The following ATRNL1 variants were observed in gnomAD, a reference collection of about 807,000 sequenced individuals.
ATRNL1 encodes the protein attractin-like protein 1.
ATRNL1 carries 95 observed loss-of-function variants against 182.7 expected under a neutral mutation model. The ratio of observed to expected loss-of-function variants is 0.52; its 90% confidence interval spans 0.44 to 0.62. ATRNL1 has a LOEUF of 0.62. ATRNL1 is among the 20% of genes least tolerant of loss of function. The probability of loss-of-function intolerance (pLI) is 0.00; values close to 1 mark genes in which losing one functional copy is unlikely to be tolerated. For missense variants in ATRNL1, 1,471 were observed against 1,679.5 expected, an observed-to-expected ratio of 0.88 and a Z score of 2.17; for synonymous variants, 576 against 568.3, an observed-to-expected ratio of 1.01 and a Z score of -0.19.
chr10:115,671,134 A>C (rs1340291394), intron 26 of ATRNL1, among the ~76,000 whole-genome samples: 1 of 152,118 alleles, frequency 6.6e-6, no homozygotes, highest in Non-Finnish European at 1.5e-5. Context: ...CACAGGCTGC[A>C]TTTGGCAGAA....
intron 21 of ATRNL1, among the ~76,000 whole-genome samples, chr10:115,458,919 C>T (rs1012731144): frequency 6.6e-6 from 1 of 152,068 alleles, no homozygotes; most frequent in South Asian, 2.1e-4. Flanking sequence ...TCAGGGACCC[C>T]AAATGGAGGG....
chr10:115,518,912 A>G (rs1244356361), intron 24 of ATRNL1, among the ~76,000 whole-genome samples: 1 of 151,976 alleles, frequency 6.6e-6, no homozygotes, highest in Non-Finnish European at 1.5e-5. Context: ...ATGAAGTTAT[A>G]TAGGGAGAAA....
intron 26 of ATRNL1, among the ~76,000 whole-genome samples, chr10:115,617,904 T>C (rs1555021358): frequency 6.6e-6 from 1 of 152,190 alleles, no homozygotes; most frequent in Non-Finnish European, 1.5e-5. Context: ...CCTAATGTTA[T>C]AGGTGGGGTC....
intron 27 of ATRNL1, among the ~76,000 whole-genome samples, chr10:115,829,638 C>G (rs1160959657): frequency 2.0e-5 from 3 of 152,052 alleles, no homozygotes; most frequent in Non-Finnish European, 4.4e-5. Context: ...AAAAGATATA[C>G]CCTTTTCCAA....
intron 27 of ATRNL1, among the ~76,000 whole-genome samples, chr10:115,730,209 A>G (rs1555062242): frequency 7.3e-6 from 1 of 136,604 alleles, no homozygotes; most frequent in African/African-American, 2.7e-5. Flanking sequence ...GTGAGCCAAG[A>G]TTGCACCACT....
chr10:115,831,026 C>A (rs1239488360), intron 27 of ATRNL1, among the ~76,000 whole-genome samples: 1 of 152,124 alleles, frequency 6.6e-6, no homozygotes, highest in African/African-American at 2.4e-5. Flanking sequence ...TGCTCCCTTT[C>A]CTGTCCCACA....
At chr10:115,218,411 T>G (rs1849313253) in intron 9 of ATRNL1, among the ~76,000 whole-genome samples, 1 of 152,162 alleles carries the variant, frequency 6.6e-6, no homozygotes. Flanking sequence ...AAACATACTT[T>G]TAAGGCTACT....
intron 26 of ATRNL1, among the ~76,000 whole-genome samples, chr10:115,563,255 G>A (rs1565168928): frequency 6.6e-6 from 1 of 152,218 alleles, no homozygotes; most frequent in East Asian, 1.9e-4. Context: ...CCTGAATTTT[G>A]TTGACAGGAT....
intron 27 of ATRNL1, among the ~76,000 whole-genome samples, chr10:115,761,399 T>G (rs1226108248): frequency 2.6e-5 from 4 of 152,192 alleles, no homozygotes; most frequent in African/African-American, 9.6e-5. Flanking sequence ...TCCAGTGCTC[T>G]AAGACCTCAT....
At chr10:115,366,360 C>A (rs1554945916) in intron 19 of ATRNL1, among the ~76,000 whole-genome samples, 2 of 151,034 alleles carry the variant, frequency 1.3e-5, no homozygotes, top group Admixed American at 1.3e-4. Flanking sequence ...TTTTTGTTTT[C>A]CATTTGCTTG....
intron 5 of ATRNL1, among the ~76,000 whole-genome samples, chr10:115,152,363 C>G (rs1846279450): frequency 6.6e-6 from 1 of 152,288 alleles, no homozygotes; most frequent in South Asian, 2.1e-4. Context: ...AATGTTCTTC[C>G]ATTTGTTTGT....
At chr10:115,373,397 T>C (rs1857496513) in intron 19 of ATRNL1, among the ~76,000 whole-genome samples, 1 of 152,078 alleles carries the variant, frequency 6.6e-6, no homozygotes, top group African/African-American at 2.4e-5. Context: ...TCCAGTATTA[T>C]GTTGAATAGA....
intron 26 of ATRNL1, among the ~76,000 whole-genome samples, chr10:115,627,916 G>A (rs554350834): frequency 9.0e-4 from 137 of 152,134 alleles, no homozygotes; most frequent in African/African-American, 2.9e-3. Context: ...GTTGGCTGAG[G>A]CGGGCAGATC....
At chr10:115,549,589 ATCTC>A (rs1302399380) in intron 26 of ATRNL1, 53 bp downstream of exon 26, 29 of 1,201,874 alleles carry the variant, frequency 2.4e-5, no homozygotes, top group Non-Finnish European at 3.2e-5. Flanking sequence ...AAATATATGG[ATCTC>A]TATTGTCTGT....
At chr10:115,132,014 T>C (rs192220737) in intron 5 of ATRNL1, among the ~76,000 whole-genome samples, 180 of 152,248 alleles carry the variant, frequency 1.2e-3, no homozygotes, top group African/African-American at 4.1e-3. Flanking sequence ...ATGTGCCATG[T>C]TGGGGTGCTG....
chr10:115,449,224 G>T (rs1169973994), intron 21 of ATRNL1, among the ~76,000 whole-genome samples: 1 of 152,150 alleles, frequency 6.6e-6, no homozygotes, highest in Non-Finnish European at 1.5e-5. Context: ...CACTGGCAGA[G>T]GTGCTGCAGA....
intron 26 of ATRNL1, among the ~76,000 whole-genome samples, chr10:115,691,646 C>T (rs1161554505): frequency 2.6e-5 from 4 of 152,124 alleles, no homozygotes; most frequent in African/African-American, 9.7e-5. Flanking sequence ...GGCTTGAGCC[C>T]TGGAAGCATA....
At chr10:115,547,586 T>C (rs1273912443) in intron 25 of ATRNL1, among the ~76,000 whole-genome samples, 1 of 152,082 alleles carries the variant, frequency 6.6e-6, no homozygotes, top group Non-Finnish European at 1.5e-5. Flanking sequence ...AAGAGCACAA[T>C]TGCATGAAGT....
At position 115,555,685 on chromosome 10, in the gene ATRNL1, G is replaced by A. The variant is rs535423115; in HGVS notation, c.3795+6149G>A. ...ATCTTAAAATCTATATTATTAACTG[G>A]AAAATATATGACATAGTTTGTATGA... is the stretch of plus-strand genomic sequence containing the variant. On this transcript the variant is annotated intron_variant, in intron 26 of 28. Coordinates refer to ENST00000355044, the MANE Select transcript of ATRNL1 (RefSeq NM_207303.4). 2.6e-5 allele frequency among the ~76,000 whole-genome samples: 4 copies of A among 151,856 alleles called. No homozygotes were observed. The East Asian group carries it at 7.7e-4, about 29-fold the overall frequency.
Sources: allele counts gnomAD v4.1 joint callset (sites outside exome capture counted in the v4.1 genomes callset), GRCh38; gene constraint gnomAD v4.1.1; transcripts MANE v1.5; gene names NCBI Gene and HGNC (gene_info 2026-07-23, HGNC 2026-07-21).